PATJ: variants seen among roughly 807,000 people sequenced by gnomAD.
PATJ encodes PATJ crumbs cell polarity complex component, also known as inaD-like protein.
PATJ carries 190 observed loss-of-function variants against 224.9 expected under a neutral mutation model. The observed-to-expected ratio is 0.84, with a 90% confidence interval of 0.75 to 0.95. The LOEUF is 0.95. Ranked by LOEUF, PATJ falls within the 40% of genes least tolerant of loss-of-function variation. PATJ has a pLI of 0.00. For missense variants in PATJ, 2,121 were observed against 2,270.3 expected (o/e 0.93, Z 1.34); for synonymous variants, 769 against 820.3 (o/e 0.94, Z 1.07).
intron 27 of PATJ, among the ~76,000 whole-genome samples, chr1:61,950,690 A>G (rs1679523870): frequency 6.6e-6 from 1 of 152,188 alleles, no homozygotes; most frequent in African/African-American, 2.4e-5. Flanking sequence ...TTCACCAAAT[A>G]TTTGAGTATG....
chr1:61,902,967 T>C (rs565368935), intron 24 of PATJ, among the ~76,000 whole-genome samples: 1 of 152,204 alleles, frequency 6.6e-6, no homozygotes, highest in Non-Finnish European at 1.5e-5. Context: ...CTTGCCTGGA[T>C]GTGTTCAAGG....
chr1:61,998,435 C>T (rs1347626250), intron 28 of PATJ, among the ~76,000 whole-genome samples: 1 of 151,998 alleles, frequency 6.6e-6, no homozygotes, highest in Admixed American at 6.6e-5. Flanking sequence ...CTGTATCGCC[C>T]AGGCTAATCT....
chr1:62,000,738 G>T (rs1466343030), intron 28 of PATJ, among the ~76,000 whole-genome samples: 1 of 150,854 alleles, frequency 6.6e-6, no homozygotes, highest in Non-Finnish European at 1.5e-5. Context: ...GGGTCAAATG[G>T]TATTTCTAGT....
At chr1:62,053,790 G>A (rs1328561962) in intron 31 of PATJ, among the ~76,000 whole-genome samples, 1 of 151,968 alleles carries the variant, frequency 6.6e-6, no homozygotes. Context: ...GAGGAATGAC[G>A]GTAATTAGGA....
intron 39 of PATJ, 52 bp downstream of exon 39, chr1:62,123,110 A>G (rs546673610): frequency 7.9e-7 from 1 of 1,267,612 alleles, no homozygotes; most frequent in East Asian, 2.4e-5. Context: ...TTGGATTTGC[A>G]CTAAATGTAC....
intron 6 of PATJ, among the ~76,000 whole-genome samples, chr1:61,773,326 A>T (rs527379474): frequency 6.6e-6 from 1 of 151,920 alleles, no homozygotes; most frequent in South Asian, 2.1e-4. Flanking sequence ...CCGGCCCTCC[A>T]ATAATGCTTT....
intron 30 of PATJ, among the ~76,000 whole-genome samples, chr1:62,048,433 C>G (rs1260262259): frequency 6.6e-6 from 1 of 150,686 alleles, no homozygotes; most frequent in Non-Finnish European, 1.5e-5. Context: ...GCAATCCCAG[C>G]TACTCGGGAG....
chr1:61,952,390 A>T, intron 27 of PATJ: 1 of 717,156 alleles, frequency 1.4e-6, no homozygotes, highest in Non-Finnish European at 2.6e-6. Flanking sequence ...GAACACAACA[A>T]TGGTCCAAGG....
At chr1:61,997,519 G>A (rs989486272) in intron 28 of PATJ, among the ~76,000 whole-genome samples, 1 of 152,196 alleles carries the variant, frequency 6.6e-6, no homozygotes, top group African/African-American at 2.4e-5. Context: ...AATTGAGAGT[G>A]TGGTTAGGGT....
rs1002193462 is a variant in PATJ at position 61,820,008 on chromosome 1, T to C, written c.1684-2937T>C. On this transcript the variant is annotated intron_variant, in intron 14 of 43. Coordinates refer to ENST00000642238, the MANE Select transcript of PATJ (RefSeq NM_001350145.3). ...GATGCATTTTGAGTACTTGTTACAT[T>C]TATTTTTATTTTTATTTTACTGTAT... Among the ~76,000 whole-genome samples the C allele has an allele frequency of 2.6e-5, 4 of 152,138 alleles. No individual in the cohort carries two copies. The East Asian group carries it at 7.7e-4, about 29-fold the overall frequency.
chr1:62,155,692 T>A (rs1489065287), intron 43 of PATJ, among the ~76,000 whole-genome samples: 37 of 140,642 alleles, frequency 2.6e-4, no homozygotes, highest in African/African-American at 4.7e-4. Flanking sequence ...GCTCTGAATT[T>A]AAAAAAAAAA....
chr1:61,852,597 A>G (rs1255372895), intron 17 of PATJ: 1 of 152,196 alleles, frequency 6.6e-6, no homozygotes, highest in African/African-American at 2.4e-5. Context: ...AGCGCTTCAT[A>G]TATTTATCTA....
chr1:61,819,942 A>G (rs974196034), intron 14 of PATJ, among the ~76,000 whole-genome samples: 3 of 152,252 alleles, frequency 2.0e-5, no homozygotes, highest in Non-Finnish European at 4.4e-5. Context: ...TCACTTCATG[A>G]ACATAGATAT....
rs56007673 is a variant in PATJ at position 61,997,998 on chromosome 1, A to AT, written c.3867+7634_3867+7635insT. Reference sequence around the variant, plus strand: ...GTGCCCAGCTTATATATGTATATATAATATATTATATATATTAATTATATA... The same window carrying AT: ...GTGCCCAGCTTATATATGTATATATATATATATTATATATATTAATTATATA... On this transcript the variant is annotated intron_variant, in intron 28 of 43. Transcript: ENST00000642238. Among the ~76,000 whole-genome samples, 880 of 92,256 alleles carry AT rather than the reference A, an allele frequency of 9.5e-3. 29 individuals carry two copies. Among genetic ancestry groups the AT allele is most frequent in the African/African-American group, 0.044 (841 of 19,172 alleles). 60.5% of individuals were successfully genotyped at this position (92,256 alleles called of 152,430 possible). A position where few individuals can be genotyped will look rare whatever the true frequency, so the allele number is the denominator to read the frequency against.
At chr1:62,044,502 G>A (rs578136848) in intron 30 of PATJ, among the ~76,000 whole-genome samples, 23 of 152,314 alleles carry the variant, frequency 1.5e-4, no homozygotes, top group African/African-American at 4.1e-4. Context: ...CATTGCTGTC[G>A]TCTAGTAAGA....
At chr1:62,116,455 A>C in intron 35 of PATJ, 77 bp from the exon 36 acceptor site, 5 of 1,475,724 alleles carry the variant, frequency 3.4e-6, no homozygotes, top group Non-Finnish European at 4.6e-6. Context: ...ATGTGTGTGC[A>C]TCCTGTCACA....
intron 25 of PATJ, among the ~76,000 whole-genome samples, chr1:61,910,934 T>C (rs1672544257): frequency 6.6e-6 from 1 of 152,164 alleles, no homozygotes; most frequent in African/African-American, 2.4e-5. Context: ...TTGGTTTACT[T>C]ATTATTGCAA....
intron 18 of PATJ, among the ~76,000 whole-genome samples, chr1:61,859,768 C>A (rs967266680): frequency 6.6e-6 from 1 of 151,986 alleles, no homozygotes; most frequent in Non-Finnish European, 1.5e-5. Flanking sequence ...TACAGGCATG[C>A]GCCACCATGC....
At chr1:61,751,460 A>T (rs919503056) in intron 1 of PATJ, among the ~76,000 whole-genome samples, 2 of 152,118 alleles carry the variant, frequency 1.3e-5, no homozygotes, top group Non-Finnish European at 2.9e-5. Context: ...GAGACCTCTA[A>T]GTGTGAAAAT....
Sources: allele counts gnomAD v4.1 joint callset (sites outside exome capture counted in the v4.1 genomes callset), GRCh38; gene constraint gnomAD v4.1.1; transcripts MANE v1.5; gene names NCBI Gene and HGNC (gene_info 2026-07-23, HGNC 2026-07-21).